Variants in SEMA3D observed in about 807,000 individuals in gnomAD.
SEMA3D encodes semaphorin-3D.
SEMA3D carries 84 observed loss-of-function variants against 100.1 expected under a neutral mutation model. That is an observed-to-expected ratio of 0.84 (90% CI 0.70 to 1.01). The LOEUF is 1.01. Ranked by LOEUF, SEMA3D falls within the 50% of genes least tolerant of loss-of-function variation. The pLI is 0.00. For synonymous variants in SEMA3D, 312 were observed against 320.7 expected (o/e 0.97, Z 0.29); for missense variants, 875 against 934.1 (o/e 0.94, Z 0.82).
At chr7:85,129,718 C>T (rs535161382) in intron 2 of SEMA3D, among the ~76,000 whole-genome samples, 2 of 152,140 alleles carry the variant, frequency 1.3e-5, no homozygotes, top group East Asian at 1.9e-4. Context: ...AATTAAATTA[C>T]GTTTTTGGAT....
chr7:85,091,086 GAA>G lies in SEMA3D; in HGVS notation c.312+6717_312+6718del, dbSNP rs369780921. On this transcript the variant is annotated intron_variant, in intron 4 of 18. Coordinates refer to ENST00000284136, the MANE Select transcript of SEMA3D (RefSeq NM_001384900.1). ...GGAAGGAGAGAAAGAGAAAGAGAGA[GAA>G]AGAGAGAGGGAGAGAGGGAGGGAGG... Among the ~76,000 whole-genome samples the G allele has an allele frequency of 3.9e-3, 549 of 139,854 alleles. 11 individuals are homozygous for G. The highest frequency in any genetic ancestry group is 0.035 in the East Asian group (163 of 4,670). 91.7% of individuals were successfully genotyped at this position (139,854 alleles called of 152,430 possible).
intron 1 of SEMA3D, among the ~76,000 whole-genome samples, chr7:85,154,643 G>A (rs1371599028): frequency 6.6e-6 from 1 of 152,112 alleles, no homozygotes; most frequent in Non-Finnish European, 1.5e-5. Context: ...AAATACAGTA[G>A]AACAGATTGT....
At chr7:85,195,125 G>T in the SEMA3D span, among the ~76,000 whole-genome samples, 1 of 152,072 alleles carries the variant, frequency 6.6e-6, no homozygotes, top group Non-Finnish European at 1.5e-5. Flanking sequence ...ATACAAAGCC[G>T]CCTGCTAGGA....
intron 4 of SEMA3D, among the ~76,000 whole-genome samples, chr7:85,094,810 C>T (rs10241349): frequency 5.3e-4 from 81 of 152,004 alleles, no homozygotes; most frequent in African/African-American, 1.9e-3. Flanking sequence ...AGAGGCCTTA[C>T]GGACCAACTT....
At chr7:85,211,583 T>C in the SEMA3D span, among the ~76,000 whole-genome samples, 1 of 152,072 alleles carries the variant, frequency 6.6e-6, no homozygotes, top group Admixed American at 6.6e-5. Flanking sequence ...ATGTATTTAA[T>C]ATAAATTACA....
intron 16 of SEMA3D, 39 bp from the exon 17 acceptor site, chr7:85,012,885 T>C: frequency 6.7e-7 from 1 of 1,503,630 alleles, no homozygotes; most frequent in Non-Finnish European, 9.3e-7. Flanking sequence ...ACTTCAAGCA[T>C]GATTACCATC....
chr7:85,108,898 A>G (rs1789008786), intron 3 of SEMA3D, among the ~76,000 whole-genome samples: 1 of 151,746 alleles, frequency 6.6e-6, no homozygotes, highest in Non-Finnish European at 1.5e-5. Context: ...CTTTTTTTTC[A>G]TACAAAGAAG....
the SEMA3D span, among the ~76,000 whole-genome samples, chr7:85,250,200 C>G: frequency 1.3e-5 from 2 of 148,774 alleles, no homozygotes; most frequent in East Asian, 2.1e-4. Flanking sequence ...TAACCCGCAC[C>G]TGGCTCGGAG....
chr7:85,064,811 T>C (rs559156466), intron 8 of SEMA3D, among the ~76,000 whole-genome samples: 4 of 152,252 alleles, frequency 2.6e-5, no homozygotes, highest in South Asian at 2.1e-4. Flanking sequence ...AATATTCTTA[T>C]GTTTTTTAAA....
the SEMA3D span, among the ~76,000 whole-genome samples, chr7:85,216,741 T>C: frequency 2.6e-5 from 4 of 152,014 alleles, no homozygotes; most frequent in African/African-American, 9.7e-5. Context: ...TAAAATATGT[T>C]ATTTTTATGG....
chr7:85,147,839 T>C (rs1790260558), intron 2 of SEMA3D, among the ~76,000 whole-genome samples: 1 of 152,158 alleles, frequency 6.6e-6, no homozygotes, highest in Non-Finnish European at 1.5e-5. Flanking sequence ...TTCCTATTAT[T>C]TCCTAACAGC....
chr7:85,229,142 CA>C, the SEMA3D span, among the ~76,000 whole-genome samples: 114 of 151,948 alleles, frequency 7.5e-4, no homozygotes, highest in Non-Finnish European at 1.4e-3. Context: ...GGAGCCTTTG[CA>C]TGTTTAATAA....
intron 2 of SEMA3D, chr7:85,142,966 G>A (rs1220247988): frequency 2.0e-5 from 20 of 984,914 alleles, no homozygotes; most frequent in Non-Finnish European, 2.4e-5. Context: ...GTAATGCCAA[G>A]AGCAATTCTA....
chr7:85,006,807 C>T lies in SEMA3D; in HGVS notation c.1903G>A (p.Glu635Lys), dbSNP rs1282885966. 6.3e-7 allele frequency: 1 copy of T among 1,590,812 alleles called. No individual in the cohort carries two copies. Among genetic ancestry groups the T allele is most frequent in the Non-Finnish European group, 8.6e-7 (1 of 1,166,794 alleles). ...YIQRSGDEHR[E>K]ELKPDERIIK... ...CTTTGATGACAACAGCTTACCTCCT[C>T]TCGATGCTCATCCCCTGACCTCTGG... The change falls in exon 18 of 19, where the codon GAG (glutamate) becomes AAG (lysine). Residue 635 changes from glutamate to lysine, a missense_variant. Transcript: ENST00000284136.
intron 14 of SEMA3D, 41 bp from the exon 15 acceptor site, chr7:85,018,334 C>T (rs2115827631): frequency 3.8e-6 from 5 of 1,312,288 alleles, no homozygotes; most frequent in African/African-American, 1.5e-5. Flanking sequence ...TAATCATTAA[C>T]AGGTTTTTAT....
chr7:85,198,798 A>G, the SEMA3D span, among the ~76,000 whole-genome samples: 3 of 102,230 alleles, frequency 2.9e-5, no homozygotes, highest in Non-Finnish European at 6.5e-5. Flanking sequence ...ATTTATTAAC[A>G]TTTTGCTTGT....
chr7:85,216,170 G>T, the SEMA3D span, among the ~76,000 whole-genome samples: 1 of 152,000 alleles, frequency 6.6e-6, no homozygotes, highest in Non-Finnish European at 1.5e-5. Context: ...TTGCCTGAAA[G>T]CTCACTTTAT....
Position 84,995,890 on chromosome 7 carries a change from T to C in SEMA3D, c.*3550A>G, listed in dbSNP as rs1789485383. On this transcript the variant is annotated 3_prime_UTR_variant, in exon 19 of 19. Transcript: ENST00000284136. ...TATGGAATCTGGGAATCGATTTTAT[T>C]TTACCTGACTTGTAAGATGAATTAT... The C allele has an allele frequency of 6.6e-6, 1 of 152,018 alleles. No homozygotes were observed. Among genetic ancestry groups the C allele is most frequent in the Non-Finnish European group, 1.5e-5 (1 of 67,888 alleles). 9.4% of individuals were successfully genotyped at this position (152,018 alleles called of 1,614,324 possible). A position where few individuals can be genotyped will look rare whatever the true frequency, so the allele number is the denominator to read the frequency against.
intron 4 of SEMA3D, among the ~76,000 whole-genome samples, chr7:85,089,437 G>T (rs528086978): frequency 4.5e-5 from 6 of 134,612 alleles, no homozygotes; most frequent in Non-Finnish European, 7.7e-5. Flanking sequence ...ATAATACTTC[G>T]CAATAAGTGC....
Sources: gnomAD v4.1 joint callset for allele counts (sites outside exome capture counted in the v4.1 genomes callset) on GRCh38, gnomAD v4.1.1 for gene constraint, MANE v1.5 for transcripts, NCBI Gene and HGNC (gene_info 2026-07-23, HGNC 2026-07-21) for gene names.